The following LMTK2 variants were observed in gnomAD, a reference collection of about 807,000 sequenced individuals.
LMTK2 encodes the protein lemur tail kinase 2.
LMTK2 carries 37 observed loss-of-function variants against 127.5 expected under a neutral mutation model. The observed-to-expected ratio is 0.29, with a 90% CI of 0.22 to 0.38. LMTK2 has a LOEUF of 0.38. Ranked by LOEUF, LMTK2 falls within the 10% of genes least tolerant of loss-of-function variation. The pLI, the probability that LMTK2 is intolerant of heterozygous loss-of-function variation, is 1.00. For missense variants in LMTK2, 1,694 were observed against 1,920.3 expected (o/e 0.88, Z 2.20); for synonymous variants, 819 against 810.1 (o/e 1.01, Z -0.19).
chr7:98,142,732 C>T lies in LMTK2; in HGVS notation c.376+1191C>T, dbSNP rs145855875. 3.1e-3 allele frequency among the ~76,000 whole-genome samples: 476 copies of T among 152,290 alleles called. 3 individuals are homozygous for T. The highest frequency in any genetic ancestry group is 0.011 in the African/African-American group (451 of 41,564). On this transcript the variant is annotated intron_variant, in intron 3 of 13. Transcript: ENST00000297293. ...AATTTTCTGACACATGGACCCAGAC[C>T]GTAGGAAGAACAGGGGTTCAGCTGA...
At chr7:98,154,383 G>A (rs1027926422) in intron 4 of LMTK2, among the ~76,000 whole-genome samples, 12 of 152,318 alleles carry the variant, frequency 7.9e-5, no homozygotes, top group African/African-American at 2.6e-4. Flanking sequence ...AAGTGTTTTT[G>A]AGGAACATTT....
chr7:98,121,223 C>A (rs1453073603), intron 1 of LMTK2, among the ~76,000 whole-genome samples: 1 of 152,178 alleles, frequency 6.6e-6, no homozygotes, highest in East Asian at 1.9e-4. Flanking sequence ...CAACTCCAGC[C>A]ACTTCTCTGG....
Position 98,171,325 on chromosome 7 carries a change from G to A in LMTK2, c.658-216G>A, listed in dbSNP as rs967455575. Among the ~76,000 whole-genome samples the A allele has an allele frequency of 1.3e-5, 2 of 152,160 alleles. No individual in the cohort carries two copies. The highest frequency in any genetic ancestry group is 4.8e-5 in the African/African-American group (2 of 41,430). On this transcript the variant is annotated intron_variant, in intron 6 of 13. Coordinates refer to ENST00000297293, the MANE Select transcript of LMTK2 (RefSeq NM_014916.4). This position sits in a 1 kb window ranked among gnomAD's most constrained non-coding sequence, Gnocchi z 5.1. ...TTTTTTAAACTGTTTTGTGTTCCAT[G>A]TGTTTATGTGACAAAGATGTTAACT...
At chr7:98,179,902 A>C in intron 7 of LMTK2, among the ~76,000 whole-genome samples, 1 of 152,340 alleles carries the variant, frequency 6.6e-6, no homozygotes, top group East Asian at 1.9e-4. Context: ...GTGTCACTGC[A>C]TCATCGTTGA....
At chr7:98,112,566 G>A (rs1290775808) in intron 1 of LMTK2, among the ~76,000 whole-genome samples, 1 of 152,222 alleles carries the variant, frequency 6.6e-6, no homozygotes, top group African/African-American at 2.4e-5. Context: ...GCATTGGACA[G>A]CACAGAAGAG....
At chr7:98,200,526 A>G (rs1006433159) in intron 11 of LMTK2, among the ~76,000 whole-genome samples, 3 of 152,210 alleles carry the variant, frequency 2.0e-5, no homozygotes, top group African/African-American at 4.8e-5. Flanking sequence ...TGGGTTCCGC[A>G]AGGCTAACCA....
In LMTK2 at chr7:98,193,933, A is replaced by G; in HGVS notation, c.3468A>G (p.Arg1156=). 6.2e-7 allele frequency: 1 copy of G among 1,614,134 alleles called. No individual in the cohort carries two copies. The highest frequency in any genetic ancestry group is 8.5e-7 in the Non-Finnish European group (1 of 1,180,048). Residue 1156 remains arginine (R), a synonymous_variant, in exon 11 of 14, where the codon AGA becomes AGG. Coordinates refer to ENST00000297293, the MANE Select transcript of LMTK2 (RefSeq NM_014916.4). This position sits in a 1 kb window ranked among gnomAD's most constrained non-coding sequence, Gnocchi z 4.1. ...PAAQDSCLEA[R]KSQPDESCLS... ...CCCAGGATAGCTGCCTGGAAGCCAG[A>G]AAGAGCCAGCCAGATGAAAGTTGTC...
intron 1 of LMTK2, among the ~76,000 whole-genome samples, chr7:98,121,833 G>C (rs1354472509): frequency 6.6e-6 from 1 of 151,720 alleles, no homozygotes; most frequent in Non-Finnish European, 1.5e-5. Context: ...AGACCTCGAC[G>C]CTACAAAAAT....
intron 1 of LMTK2, among the ~76,000 whole-genome samples, chr7:98,117,421 A>G (rs1364086572): frequency 6.6e-6 from 1 of 152,008 alleles, no homozygotes; most frequent in Admixed American, 6.6e-5. Flanking sequence ...ATGGATATTT[A>G]TTTTATACTT....
chr7:98,199,615 C>A (rs1311118881), intron 11 of LMTK2, among the ~76,000 whole-genome samples: 2 of 152,186 alleles, frequency 1.3e-5, no homozygotes, highest in Non-Finnish European at 2.9e-5. Context: ...CTGCCTCAGC[C>A]CCACAAGTAA....
intron 7 of LMTK2, among the ~76,000 whole-genome samples, chr7:98,177,904 C>T (rs1262970461): frequency 6.6e-6 from 1 of 152,208 alleles, no homozygotes; most frequent in Non-Finnish European, 1.5e-5. Context: ...TAATCCTCTC[C>T]TGGTACGTCT....
intron 1 of LMTK2, among the ~76,000 whole-genome samples, chr7:98,117,811 A>G (rs1424237173): frequency 2.6e-5 from 4 of 152,096 alleles, no homozygotes; most frequent in African/African-American, 9.7e-5. Context: ...TACTAACAAT[A>G]CAAAAATTAG....
Position 98,194,086 on chromosome 7 carries a change from A to G in LMTK2, c.3621A>G (p.Ala1207=), listed in dbSNP as rs772097683. The part of the protein sequence containing the change: ...EASSPWSVLN[A]ELSSGDDFET... ...GCAGTCCCTGGAGTGTGCTGAATGC[A>G]GAACTTAGCAGCGGCGATGACTTCG... is the stretch of plus-strand genomic sequence containing the variant. Residue 1207 remains alanine, a synonymous_variant, in exon 11 of 14, where the codon GCA becomes GCG. Transcript: ENST00000297293. This position sits in a 1 kb window ranked among gnomAD's most constrained non-coding sequence, Gnocchi z 5.4. 1 of 1,614,100 alleles carries G rather than the reference A, an allele frequency of 6.2e-7. No individual in the cohort carries two copies. Among genetic ancestry groups the G allele is most frequent in the Non-Finnish European group, 8.5e-7 (1 of 1,180,018 alleles).
In LMTK2 at chr7:98,107,157, C is replaced by G; in HGVS notation, c.-21C>G. On this transcript the variant is annotated 5_prime_UTR_variant, in exon 1 of 14. Transcript: ENST00000297293. ...CGGAAGGCGACTCGAGGGCCGGCCC[C>G]GGAGCCGCGCCGTGGGCGAGATGCC... 7.0e-7 allele frequency: 1 copy of G among 1,421,486 alleles called. No individual in the cohort carries two copies. Among genetic ancestry groups the G allele is most frequent in the East Asian group, 3.0e-5 (1 of 33,248 alleles). 88.1% of individuals were successfully genotyped at this position (1,421,486 alleles called of 1,614,324 possible).
rs1377158637 is a variant in LMTK2, at chr7:98,205,804, C to T, written c.*312C>T. 1.3e-5 allele frequency: 6 copies of T among 474,698 alleles called. No homozygotes were observed. Among genetic ancestry groups the T allele is most frequent in the African/African-American group, 3.9e-5 (2 of 50,892 alleles). 29.4% of individuals were successfully genotyped at this position (474,698 alleles called of 1,614,324 possible). ...GGGGCACAGCCTCCATGTGCGCGCG[C>T]GTGTGGAGCTGTGTGCACCGCATGT... is the stretch of plus-strand genomic sequence containing the variant. On this transcript the variant is annotated 3_prime_UTR_variant, in exon 14 of 14. Coordinates refer to ENST00000297293, the MANE Select transcript of LMTK2 (RefSeq NM_014916.4).
intron 3 of LMTK2, among the ~76,000 whole-genome samples, chr7:98,142,719 C>T (rs1472805788): frequency 6.6e-6 from 1 of 152,224 alleles, no homozygotes; most frequent in Non-Finnish European, 1.5e-5. Flanking sequence ...TTTTCTGACA[C>T]ATGGACCCAG....
chr7:98,126,290 G>T (rs372865795), intron 1 of LMTK2, among the ~76,000 whole-genome samples: 1 of 152,276 alleles, frequency 6.6e-6, no homozygotes, highest in African/African-American at 2.4e-5. Context: ...ATGGGAAGTT[G>T]TGTGACAAAA....
chr7:98,135,773 A>G (rs1477997487), intron 1 of LMTK2, among the ~76,000 whole-genome samples: 2 of 152,198 alleles, frequency 1.3e-5, no homozygotes, highest in Non-Finnish European at 2.9e-5. Flanking sequence ...ATAAGATGTA[A>G]AAATCTTTAT....
chr7:98,204,722 C>G (rs1797763519), intron 13 of LMTK2, among the ~76,000 whole-genome samples: 1 of 152,378 alleles, frequency 6.6e-6, no homozygotes, highest in South Asian at 2.1e-4. Context: ...TACCGGCCAC[C>G]CTGTGGGGCC....
Sources: allele counts gnomAD v4.1 joint callset (sites outside exome capture counted in the v4.1 genomes callset), GRCh38; gene constraint gnomAD v4.1.1; non-coding constraint Gnocchi (gnomAD v3.1); transcripts MANE v1.5; gene names NCBI Gene and HGNC (gene_info 2026-07-23, HGNC 2026-07-21).